Variants in BNC2 observed in about 807,000 individuals in gnomAD.
The protein encoded by BNC2 is zinc finger protein basonuclin-2.
A neutral mutation model predicts 76.3 loss-of-function variants in BNC2; 20 were observed. The ratio of observed to expected loss-of-function variants is 0.26; its 90% CI spans 0.18 to 0.38. The LOEUF is 0.38. Ranked by LOEUF, BNC2 falls within the 10% of genes least tolerant of loss-of-function variation. The pLI is 1.00. For synonymous variants in BNC2, 582 were observed against 514.8 expected (o/e 1.13, Z -1.77); for missense variants, 1,382 against 1,399.8 (o/e 0.99, Z 0.20).
At chr9:16,500,668 G>A (rs1822499101) in intron 5 of BNC2, among the ~76,000 whole-genome samples, 1 of 152,102 alleles carries the variant, frequency 6.6e-6, no homozygotes, top group African/African-American at 2.4e-5. Context: ...TTTTCAGGGT[G>A]GATGGAGCAG....
chr9:16,693,176 G>C (rs1263747773), intron 3 of BNC2, among the ~76,000 whole-genome samples: 1 of 148,854 alleles, frequency 6.7e-6, no homozygotes, highest in Non-Finnish European at 1.5e-5. Context: ...GAGGGGGTGA[G>C]AGTGGCAAGA....
At chr9:16,730,914 G>A (rs1824486437) in intron 2 of BNC2, among the ~76,000 whole-genome samples, 1 of 152,116 alleles carries the variant, frequency 6.6e-6, no homozygotes, top group South Asian at 2.1e-4. Context: ...AATTAATCCA[G>A]ACTCAATAAT....
chr9:16,860,128 A>C (rs1254866166), intron 1 of BNC2, among the ~76,000 whole-genome samples: 1 of 152,178 alleles, frequency 6.6e-6, no homozygotes, highest in East Asian at 1.9e-4. Context: ...TCTCAAAAAA[A>C]AAAAAGGATT....
At chr9:16,504,670 C>T (rs1462648382) in intron 5 of BNC2, among the ~76,000 whole-genome samples, 1 of 152,068 alleles carries the variant, frequency 6.6e-6, no homozygotes, top group Non-Finnish European at 1.5e-5. Context: ...GTGTTCTCAT[C>T]CTGCGCTAAC....
At chr9:16,463,907 C>T (rs1821645299) in intron 5 of BNC2, among the ~76,000 whole-genome samples, 1 of 151,758 alleles carries the variant, frequency 6.6e-6, no homozygotes. Flanking sequence ...ACCACCTGGG[C>T]CAACATGGCG....
intron 1 of BNC2, among the ~76,000 whole-genome samples, chr9:16,752,045 T>G (rs1825231712): frequency 6.6e-6 from 1 of 152,076 alleles, no homozygotes; most frequent in African/African-American, 2.4e-5. Context: ...TATTTTCATC[T>G]TAATAACATA....
chr9:16,684,111 A>T (rs1822907624), intron 3 of BNC2, among the ~76,000 whole-genome samples: 1 of 151,962 alleles, frequency 6.6e-6, no homozygotes, highest in Non-Finnish European at 1.5e-5. Flanking sequence ...TATTTTACAC[A>T]CTCACATCTG....
At chr9:16,437,904 A>T (rs530421907) in intron 5 of BNC2, among the ~76,000 whole-genome samples, 1 of 152,308 alleles carries the variant, frequency 6.6e-6, no homozygotes, top group South Asian at 2.1e-4. Flanking sequence ...AATATAAATG[A>T]AAAAAATGGT....
chr9:16,557,919 G>A (rs1282589299), intron 4 of BNC2, among the ~76,000 whole-genome samples: 3 of 151,608 alleles, frequency 2.0e-5, no homozygotes, highest in Non-Finnish European at 4.4e-5. Flanking sequence ...GGAGTGCAGT[G>A]GCAGGATCGC....
intron 3 of BNC2, among the ~76,000 whole-genome samples, chr9:16,693,182 C>A (rs1280292615): frequency 6.8e-6 from 1 of 147,914 alleles, no homozygotes; most frequent in Non-Finnish European, 1.5e-5. Context: ...GTGAGAGTGG[C>A]AAGAAGCAGC....
rs182391265 is a variant in BNC2 at position 16,462,504 on chromosome 9, G to A, written c.670-24980C>T. ...CTCCTGCTGGCAAAATGATTAACAC[G>A]AAGAGCCAAAAGACAAAGTTTGGAG... On this transcript the variant is annotated intron_variant, in intron 5 of 6. Transcript: ENST00000380672. 2.6e-5 allele frequency among the ~76,000 whole-genome samples: 4 copies of A among 152,150 alleles called. No individual in the cohort carries two copies. The East Asian group carries it at 5.8e-4, about 22-fold the overall frequency.
Position 16,632,167 on chromosome 9 carries a change from C to T in BNC2, c.331-49082G>A, listed in dbSNP as rs963599504. 2.7e-4 allele frequency among the ~76,000 whole-genome samples: 41 copies of T among 152,128 alleles called. 1 individual carries two copies. The highest frequency in any genetic ancestry group is 1.8e-3 in the Admixed American group (28 of 15,280). On this transcript the variant is annotated intron_variant, in intron 3 of 6. Coordinates refer to ENST00000380672, the MANE Select transcript of BNC2 (RefSeq NM_017637.6). Reference sequence around the variant, plus strand: ...GAAGAGTCAGGACTACCCATGTCATCTTGCATATGATGGTAGGAACTATTC... The same window carrying T: ...GAAGAGTCAGGACTACCCATGTCATTTTGCATATGATGGTAGGAACTATTC...
chr9:16,642,091 CCTT>C (rs1404805684), intron 3 of BNC2, among the ~76,000 whole-genome samples: 2 of 152,142 alleles, frequency 1.3e-5, no homozygotes, highest in African/African-American at 2.4e-5. Flanking sequence ...AAGTAGTGAC[CCTT>C]CTTCTAAAAC....
intron 3 of BNC2, among the ~76,000 whole-genome samples, chr9:16,657,100 A>C (rs1211256475): frequency 2.0e-5 from 3 of 152,166 alleles, no homozygotes; most frequent in Non-Finnish European, 2.9e-5. Flanking sequence ...CTCCATACAA[A>C]TATGGAGCCC....
At chr9:16,420,462 TA>T (rs1033192039) in intron 6 of BNC2, among the ~76,000 whole-genome samples, 11 of 152,026 alleles carry the variant, frequency 7.2e-5, no homozygotes, top group Admixed American at 2.0e-4. Context: ...AGAAACTTTT[TA>T]AAAAAATAAA....
chr9:16,641,643 C>T (rs961019786), intron 3 of BNC2, among the ~76,000 whole-genome samples: 6 of 152,174 alleles, frequency 3.9e-5, no homozygotes, highest in Admixed American at 2.0e-4. Flanking sequence ...CCTGCTATCA[C>T]ATAAGTGTCT....
chr9:16,506,511 C>CTTTT lies in BNC2; in HGVS notation c.669+46018_669+46019insAAAA, dbSNP rs1563814965. 1.9e-3 allele frequency among the ~76,000 whole-genome samples: 155 copies of CTTTT among 81,434 alleles called. 6 individuals carry two copies. The highest frequency in any genetic ancestry group is 7.8e-3 in the African/African-American group (141 of 18,086). 53.4% of individuals were successfully genotyped at this position (81,434 alleles called of 152,430 possible). A position where few individuals can be genotyped will look rare whatever the true frequency, so the allele number is the denominator to read the frequency against. On this transcript the variant is annotated intron_variant, in intron 5 of 6. Transcript: ENST00000380672. ...AAGTACACTTCTCTCTCTCTCTCTCCTCTTTTTTTTTTTTTTTTTTTTTTT... is the reference window on the plus strand; with the variant it reads ...AAGTACACTTCTCTCTCTCTCTCTCCTTTTTCTTTTTTTTTTTTTTTTTTTTTTT...
At chr9:16,455,628 T>A (rs1821431584) in intron 5 of BNC2, among the ~76,000 whole-genome samples, 1 of 152,108 alleles carries the variant, frequency 6.6e-6, no homozygotes, top group Non-Finnish European at 1.5e-5. Context: ...CTGTCTCTAC[T>A]AATAATACAA....
intron 1 of BNC2, among the ~76,000 whole-genome samples, chr9:16,777,789 T>G (rs1826011186): frequency 6.6e-6 from 1 of 150,900 alleles, no homozygotes; most frequent in African/African-American, 2.4e-5. Context: ...CTGTTTATAA[T>G]AACAAAAAAT....
Sources: allele counts gnomAD v4.1 joint callset (sites outside exome capture counted in the v4.1 genomes callset), GRCh38; gene constraint gnomAD v4.1.1; transcripts MANE v1.5; gene names NCBI Gene and HGNC (gene_info 2026-07-23, HGNC 2026-07-21).